Variants in ITPR1 observed in about 807,000 individuals in gnomAD.
ITPR1 encodes inositol 1,4,5-trisphosphate receptor type 1.
A neutral mutation model predicts 318.4 loss-of-function variants in ITPR1; 96 were observed. The observed-to-expected ratio is 0.30, with a 90% CI of 0.26 to 0.36. The LOEUF (loss-of-function observed/expected upper bound fraction) is 0.36. Among genes scored for constraint, ITPR1 ranks in the 10% least tolerant of loss-of-function variants. ITPR1 has a pLI of 1.00. For missense variants in ITPR1, 2,440 were observed against 3,460.2 expected (o/e 0.71, Z 7.40); for synonymous variants, 1,312 against 1,289.9 (o/e 1.02, Z -0.37).
rs75547080 is a variant in ITPR1 at position 4,499,413 on chromosome 3, T to C, written c.-17+4907T>C. On this transcript the variant is annotated intron_variant, in intron 2 of 61. Coordinates refer to ENST00000649015, the MANE Select transcript of ITPR1 (RefSeq NM_001378452.1). ...TTAATAAACAGACATCTGTGTCTCA[T>C]TTTTCTAAATGTGCCTACCCCTTTG... is the stretch of plus-strand genomic sequence containing the variant. 9.5e-3 allele frequency among the ~76,000 whole-genome samples: 1,447 copies of C among 152,288 alleles called. 22 individuals carry two copies. Among genetic ancestry groups the C allele is most frequent in the African/African-American group, 0.033 (1,367 of 41,558 alleles).
Position 4,667,557 on chromosome 3 carries a change from G to A in ITPR1, c.1886+8G>A, listed in dbSNP as rs372464943. 5.8e-5 allele frequency: 93 copies of A among 1,610,720 alleles called. 1 individual carries two copies. The highest frequency in any genetic ancestry group is 1.3e-4 in the Admixed American group (8 of 59,862). On this transcript the variant is annotated splice_region_variant and intron_variant, in intron 18 of 61. Transcript: ENST00000649015. ...AAAGAACAGGGAGCCCAGGTGAGGC[G>A]GGAGTGGGGTCCATGCAGGATGGTG...
chr3:4,807,110 G>A (rs79652307), intron 55 of ITPR1, among the ~76,000 whole-genome samples: 237 of 20,174 alleles, frequency 0.012, 6 homozygotes, highest in East Asian at 0.078. Flanking sequence ...AGAGAGGGGG[G>A]CTTACAAAGA....
At chr3:4,787,017 T>C (rs55784372) in intron 51 of ITPR1, among the ~76,000 whole-genome samples, 3,357 of 152,330 alleles carry the variant, frequency 0.022, 60 homozygotes, top group South Asian at 0.047. Context: ...ACTAGCTATG[T>C]ATGGCTATTT....
At chr3:4,697,351 T>TGTGTGTAG in intron 34 of ITPR1, 79 bp downstream of exon 34, 1 of 1,378,318 alleles carries the variant, frequency 7.3e-7, no homozygotes, top group Middle Eastern at 1.9e-4. Flanking sequence ...TGTGTGTGTG[T>TGTGTGTAG]GTAGCATCTT....
chr3:4,706,117 G>A (rs1179839788), intron 36 of ITPR1, 50 bp from the exon 37 acceptor site: 4 of 1,600,924 alleles, frequency 2.5e-6, no homozygotes, highest in Non-Finnish European at 3.4e-6. Flanking sequence ...CATCTGTAGG[G>A]TGTCCCCCAT....
intron 2 of ITPR1, among the ~76,000 whole-genome samples, chr3:4,515,837 C>T (rs1034136898): frequency 2.0e-5 from 3 of 152,158 alleles, no homozygotes; most frequent in Non-Finnish European, 2.9e-5. Flanking sequence ...TTTTCATCCT[C>T]TGGAAGTGTT....
chr3:4,782,739 C>T lies in ITPR1; in HGVS notation c.6508C>T (p.Gln2170Ter). 6.5e-7 allele frequency: 1 copy of T among 1,536,086 alleles called. No homozygotes were observed. The highest frequency in any genetic ancestry group is 8.8e-7 in the Non-Finnish European group (1 of 1,137,602). ...GCACAACATCTACATATTAGCCCAT[C>T]AGGTATGATCTCTCCTGTGCCTCCT... is the stretch of plus-strand genomic sequence containing the variant. ...VGHNIYILAH[Q>*]LARHNKELQS... Residue 2170 changes from glutamine to a stop codon, truncating the protein, a stop_gained and splice_region_variant, in exon 50 of 62, where the codon CAG (glutamine) becomes TAG (stop). Coordinates refer to ENST00000649015, the MANE Select transcript of ITPR1 (RefSeq NM_001378452.1). LOFTEE classifies it high-confidence loss of function.
At chr3:4,610,899 C>T (rs1209377856) in intron 4 of ITPR1, among the ~76,000 whole-genome samples, 1 of 113,146 alleles carries the variant, frequency 8.8e-6, no homozygotes, top group African/African-American at 3.5e-5. Context: ...TTCCCCCTTC[C>T]CCCCCTTCTC....
chr3:4,559,257 G>A (rs1271823014), intron 4 of ITPR1, among the ~76,000 whole-genome samples: 1 of 151,910 alleles, frequency 6.6e-6, no homozygotes, highest in Non-Finnish European at 1.5e-5. Flanking sequence ...TCTCTTCTGA[G>A]TCTTTTAATC....
rs189009421 is a variant in ITPR1, at chr3:4,742,466, T to G, written c.5544+7112T>G. Among the ~76,000 whole-genome samples, 18 of 152,240 alleles carry G rather than the reference T, an allele frequency of 1.2e-4. No homozygotes were observed. The East Asian group carries it at 3.5e-3, about 29-fold the overall frequency. On this transcript the variant is annotated intron_variant, in intron 44 of 61. Transcript: ENST00000649015. ...CTCAGGACTCCTGGCGAAGTCCACC[T>G]CACTCATCCCACTGGTTCCTGACTT...
At chr3:4,828,497 C>G (rs1204383154) in intron 60 of ITPR1, among the ~76,000 whole-genome samples, 1 of 152,160 alleles carries the variant, frequency 6.6e-6, no homozygotes, top group Non-Finnish European at 1.5e-5. Flanking sequence ...GCCGGCCCCA[C>G]CTTTTTCTCC....
intron 50 of ITPR1, among the ~76,000 whole-genome samples, chr3:4,783,083 C>G (rs957944719): frequency 2.0e-4 from 30 of 152,242 alleles, no homozygotes; most frequent in African/African-American, 7.2e-4. Flanking sequence ...CCTCTCTTAA[C>G]AATCCAAAGA....
intron 5 of ITPR1, 73 bp from the exon 6 acceptor site, chr3:4,639,311 T>A: frequency 8.8e-7 from 1 of 1,140,972 alleles, no homozygotes; most frequent in Non-Finnish European, 1.3e-6. Flanking sequence ...TGGCGACATT[T>A]GTTCTGCGTC....
At chr3:4,685,651 A>G (rs1233854572) in intron 30 of ITPR1, among the ~76,000 whole-genome samples, 1 of 152,184 alleles carries the variant, frequency 6.6e-6, no homozygotes, top group African/African-American at 2.4e-5. Flanking sequence ...CTGCTTAAGT[A>G]TTTGGATTTA....
intron 40 of ITPR1, among the ~76,000 whole-genome samples, chr3:4,723,338 A>G (rs993060185): frequency 2.0e-5 from 3 of 152,178 alleles, no homozygotes; most frequent in Non-Finnish European, 4.4e-5. Flanking sequence ...CCACGAAGGG[A>G]TCACATTGAA....
chr3:4,619,469 AC>A (rs2092511684), intron 4 of ITPR1, among the ~76,000 whole-genome samples: 2 of 132,968 alleles, frequency 1.5e-5, no homozygotes, highest in South Asian at 2.3e-4. Context: ...TTCTTTCCTT[AC>A]CTACCTCTCT....
At chr3:4,704,353 G>T in intron 36 of ITPR1, among the ~76,000 whole-genome samples, 1 of 152,150 alleles carries the variant, frequency 6.6e-6, no homozygotes, top group East Asian at 1.9e-4. Context: ...CGGAGGTTGC[G>T]GTGAGCCGAG....
chr3:4,808,499 C>G (rs990355858), intron 55 of ITPR1, among the ~76,000 whole-genome samples: 1 of 152,212 alleles, frequency 6.6e-6, no homozygotes, highest in African/African-American at 2.4e-5. Context: ...ATCATGCTAC[C>G]TCAGTTCACT....
chr3:4,684,042 G>A lies in ITPR1; in HGVS notation c.3499-239G>A, dbSNP rs144406848. ...GCGATATTGAGTGAATTAGCACCAGGTTTCCCTTACAGACCCACTTGGGAA... is the reference window on the plus strand; with the variant it reads ...GCGATATTGAGTGAATTAGCACCAGATTTCCCTTACAGACCCACTTGGGAA... On this transcript the variant is annotated intron_variant, in intron 28 of 61. Coordinates refer to ENST00000649015, the MANE Select transcript of ITPR1 (RefSeq NM_001378452.1). 3.9e-5 allele frequency among the ~76,000 whole-genome samples: 6 copies of A among 152,320 alleles called. No individual in the cohort carries two copies. The East Asian group carries it at 1.2e-3, about 29-fold the overall frequency.
Sources: allele counts gnomAD v4.1 joint callset (sites outside exome capture counted in the v4.1 genomes callset), GRCh38; gene constraint gnomAD v4.1.1; transcripts MANE v1.5; gene names NCBI Gene and HGNC (gene_info 2026-07-23, HGNC 2026-07-21).